LINGO2: variants seen among roughly 807,000 people sequenced by gnomAD.
The protein encoded by LINGO2 is leucine-rich repeat and immunoglobulin-like domain-containing nogo receptor-interacting protein 2.
A neutral mutation model predicts 30.6 loss-of-function variants in LINGO2; 14 were observed. The ratio of observed to expected loss-of-function variants is 0.46; its 90% CI spans 0.30 to 0.72. The LOEUF (loss-of-function observed/expected upper bound fraction) is 0.72. Ranked by LOEUF, LINGO2 falls within the 30% of genes least tolerant of loss-of-function variation. The probability of loss-of-function intolerance (pLI) is 0.07; values close to 1 mark genes in which losing one functional copy is unlikely to be tolerated. For synonymous variants in LINGO2, 317 were observed against 288.5 expected (o/e 1.10, Z -1.00); for missense variants, 729 against 751.7 (o/e 0.97, Z 0.35).
chr9:28,907,725 T>G, the LINGO2 span, among the ~76,000 whole-genome samples: 1 of 151,684 alleles, frequency 6.6e-6, no homozygotes, highest in Non-Finnish European at 1.5e-5. Flanking sequence ...AAACTACTTA[T>G]GAATGTACAG....
chr9:28,801,666 A>T, the LINGO2 span, among the ~76,000 whole-genome samples: 1 of 152,076 alleles, frequency 6.6e-6, no homozygotes, highest in South Asian at 2.1e-4. Flanking sequence ...AACTCCTTCC[A>T]GGTGGAAGCT....
chr9:28,884,089 T>C, the LINGO2 span, among the ~76,000 whole-genome samples: 1 of 140,678 alleles, frequency 7.1e-6, no homozygotes, highest in Non-Finnish European at 1.5e-5. Context: ...TTTTAATCCC[T>C]GGAGAATAGC....
chr9:28,032,071 C>T lies in LINGO2; in HGVS notation c.-86-19666G>A, dbSNP rs2132897743. ...GGGGAAAGCCTCACTGGGATGAAGA[C>T]AGCAAAGAAAAACCGCAGAGCTGGG... On this transcript the variant is annotated intron_variant, in intron 4 of 5. Transcript: ENST00000379992. Among the ~76,000 whole-genome samples the T allele has an allele frequency of 2.0e-5, 3 of 151,638 alleles. No homozygotes were observed. The South Asian group carries it at 6.3e-4, about 32-fold the overall frequency.
At chr9:29,133,536 GGAACTTGGTATTATGGTCAGGACTGAA>G in the LINGO2 span, among the ~76,000 whole-genome samples, 1 of 152,094 alleles carries the variant, frequency 6.6e-6, no homozygotes, top group African/African-American at 2.4e-5. Flanking sequence ...GTGTCACACA[GGAACTTGGTATTATGGTCAGGACTGAA>G]GAATCCTTTC....
chr9:28,424,234 T>G (rs1391785947), intron 2 of LINGO2, among the ~76,000 whole-genome samples: 1 of 152,174 alleles, frequency 6.6e-6, no homozygotes, highest in African/African-American at 2.4e-5. Flanking sequence ...GGCTGGTTTT[T>G]CAGCTCACTT....
chr9:28,068,468 C>T (rs1319692202), intron 4 of LINGO2, among the ~76,000 whole-genome samples: 2 of 152,024 alleles, frequency 1.3e-5, no homozygotes, highest in African/African-American at 4.8e-5. Context: ...TCTCAAAGTC[C>T]CCATCTCCAA....
intron 2 of LINGO2, among the ~76,000 whole-genome samples, chr9:28,403,430 G>C (rs1368576828): frequency 6.6e-6 from 1 of 152,140 alleles, no homozygotes; most frequent in Admixed American, 6.5e-5. Context: ...CTTCAGGTCT[G>C]ACAGCTAGCT....
chr9:28,088,166 G>A (rs1825967336), intron 4 of LINGO2, among the ~76,000 whole-genome samples: 1 of 150,764 alleles, frequency 6.6e-6, no homozygotes, highest in Admixed American at 6.7e-5. Flanking sequence ...CATAGGGTTT[G>A]AGGAGATGAA....
intron 4 of LINGO2, among the ~76,000 whole-genome samples, chr9:28,022,993 T>G (rs1436457306): frequency 6.6e-6 from 1 of 152,102 alleles, no homozygotes; most frequent in East Asian, 1.9e-4. Flanking sequence ...TTCATTCTAT[T>G]TTTTATTTCT....
chr9:28,031,650 G>C (rs1823677609), intron 4 of LINGO2, among the ~76,000 whole-genome samples: 1 of 152,138 alleles, frequency 6.6e-6, no homozygotes, highest in African/African-American at 2.4e-5. Context: ...TTTGGGATGA[G>C]ATTAGTTGAG....
chr9:29,030,613 T>C, the LINGO2 span, among the ~76,000 whole-genome samples: 2 of 152,176 alleles, frequency 1.3e-5, no homozygotes, highest in African/African-American at 2.4e-5. Context: ...TTCTCATTTG[T>C]TTTCATGATG....
Position 28,332,859 on chromosome 9 carries a change from G to A in LINGO2, c.-245-37493C>T, listed in dbSNP as rs192602577. Among the ~76,000 whole-genome samples, 162 of 152,300 alleles carry A rather than the reference G, an allele frequency of 1.1e-3. 1 individual carries two copies. In the Middle Eastern group the frequency reaches 0.027, roughly 26 times the overall value. ...GTGAATGGTTAAAGCACATATCAGC[G>A]TGGGGATGGGGGCTGACTCAATGGT... On this transcript the variant is annotated intron_variant, in intron 3 of 5. Transcript: ENST00000379992.
chr9:28,929,526 G>T, the LINGO2 span, among the ~76,000 whole-genome samples: 13,865 of 152,198 alleles, frequency 0.091, 724 homozygotes, highest in South Asian at 0.16. Context: ...AGGAACTGAG[G>T]CCTGGACATA....
At chr9:28,549,079 C>T (rs2135493217) in intron 1 of LINGO2, among the ~76,000 whole-genome samples, 1 of 152,120 alleles carries the variant, frequency 6.6e-6, no homozygotes, top group East Asian at 1.9e-4. Flanking sequence ...TTTTTAATGA[C>T]ATACAATTGC....
chr9:28,139,460 T>C (rs1827613652), intron 4 of LINGO2, among the ~76,000 whole-genome samples: 1 of 152,234 alleles, frequency 6.6e-6, no homozygotes, highest in African/African-American at 2.4e-5. Context: ...GCCTGGTATA[T>C]CAGCTACATT....
the LINGO2 span, among the ~76,000 whole-genome samples, chr9:29,157,376 C>G: frequency 6.6e-6 from 1 of 152,146 alleles, no homozygotes; most frequent in African/African-American, 2.4e-5. Context: ...ATAGAGAATG[C>G]CAAGAACAAC....
the LINGO2 span, among the ~76,000 whole-genome samples, chr9:28,941,465 T>G: frequency 6.6e-6 from 1 of 152,148 alleles, no homozygotes; most frequent in Non-Finnish European, 1.5e-5. Context: ...TACTGTCCAA[T>G]TAAATTATAT....
chr9:28,912,172 T>C, the LINGO2 span, among the ~76,000 whole-genome samples: 9 of 152,122 alleles, frequency 5.9e-5, no homozygotes, highest in Non-Finnish European at 1.0e-4. Context: ...ATCGTTATAA[T>C]TGCAATAATT....
the LINGO2 span, among the ~76,000 whole-genome samples, chr9:28,913,552 T>C: frequency 6.6e-6 from 1 of 152,112 alleles, no homozygotes; most frequent in Non-Finnish European, 1.5e-5. Context: ...ACTTAAAATC[T>C]CCAATGTATA....
Sources: allele counts gnomAD v4.1 joint callset (sites outside exome capture counted in the v4.1 genomes callset), GRCh38; gene constraint gnomAD v4.1.1; transcripts MANE v1.5; gene names NCBI Gene and HGNC (gene_info 2026-07-23, HGNC 2026-07-21).